Variants in RPH3A observed in about 807,000 individuals in gnomAD.
RPH3A encodes the protein rabphilin-3A.
RPH3A carries 48 observed loss-of-function variants against 102.2 expected under a neutral mutation model. That is an observed-to-expected ratio of 0.47 (90% CI 0.37 to 0.60). The LOEUF (loss-of-function observed/expected upper bound fraction) is 0.60. Among genes scored for constraint, RPH3A ranks in the 20% least tolerant of loss-of-function variants. The pLI, the probability that RPH3A is intolerant of heterozygous loss-of-function variation, is 0.00. For synonymous variants in RPH3A, 310 were observed against 324.3 expected (o/e 0.96, Z 0.47); for missense variants, 781 against 910.1 (o/e 0.86, Z 1.83).
At chr12:112,855,887 G>A (rs377053541) in intron 5 of RPH3A, among the ~76,000 whole-genome samples, 13 of 152,300 alleles carry the variant, frequency 8.5e-5, no homozygotes, top group African/African-American at 3.1e-4. Context: ...GTGTGTGTGT[G>A]TGAGAGACAG....
intron 1 of RPH3A, among the ~76,000 whole-genome samples, chr12:112,700,657 T>G (rs1474220280): frequency 6.6e-6 from 1 of 152,200 alleles, no homozygotes; most frequent in East Asian, 1.9e-4. Context: ...CAGACTTTAC[T>G]TTTGCATTTG....
At chr12:112,628,568 CAAAAAAAAAAAAAAAAAAA>C (rs771688201) in intron 1 of RPH3A, among the ~76,000 whole-genome samples, 59 of 27,040 alleles carry the variant, frequency 2.2e-3, no homozygotes, top group African/African-American at 6.8e-3. Context: ...GTCTTTACCA[CAAAAAAAAAAAAAAAAAAA>C]AAAAAAAAAA....
intron 13 of RPH3A, 81 bp from the exon 14 acceptor site, chr12:112,879,037 TG>T: frequency 8.1e-7 from 1 of 1,238,138 alleles, no homozygotes; most frequent in South Asian, 1.3e-5. Context: ...CAGCCCAGCC[TG>T]GGCATATAGT....
intron 1 of RPH3A, among the ~76,000 whole-genome samples, chr12:112,585,994 C>T (rs2033646547): frequency 6.6e-6 from 1 of 152,178 alleles, no homozygotes; most frequent in African/African-American, 2.4e-5. Context: ...TTAGCAGGTG[C>T]CTCAAGGTAA....
chr12:112,786,211 TA>T (rs1452916149), intron 1 of RPH3A, among the ~76,000 whole-genome samples: 1 of 152,090 alleles, frequency 6.6e-6, no homozygotes, highest in Non-Finnish European at 1.5e-5. Context: ...GATTAATAAA[TA>T]AAACTTGTTG....
rs2043217773 is a variant in RPH3A at position 112,898,211 on chromosome 12, A to AC, written c.*1431_*1432insC. 6.6e-6 allele frequency: 1 copy of AC among 152,176 alleles called. No homozygotes were observed. Among genetic ancestry groups the AC allele is most frequent in the Non-Finnish European group, 1.5e-5 (1 of 68,036 alleles). The allele number at this position is 152,176 out of a possible 1,614,324, so 9.4% of individuals were successfully genotyped here. A position where few individuals can be genotyped will look rare whatever the true frequency, so the allele number is the denominator to read the frequency against. ...ATCATCAATCTTTCACTTTCTTCCT[A>AC]TAAAAAAAATTATTTTATAAAGGAG... On this transcript the variant is annotated 3_prime_UTR_variant, in exon 22 of 22. Coordinates refer to ENST00000389385, the MANE Select transcript of RPH3A (RefSeq NM_001143854.2).
intron 1 of RPH3A, among the ~76,000 whole-genome samples, chr12:112,747,316 C>T (rs2040755628): frequency 6.6e-6 from 1 of 152,166 alleles, no homozygotes; most frequent in Non-Finnish European, 1.5e-5. Flanking sequence ...CTTGCCCTTC[C>T]ACCATGTGAG....
intron 1 of RPH3A, among the ~76,000 whole-genome samples, chr12:112,693,115 G>C (rs1014057312): frequency 6.6e-6 from 1 of 152,204 alleles, no homozygotes; most frequent in African/African-American, 2.4e-5. Flanking sequence ...TTTGACTCTT[G>C]CTCAGAGTTT....
In RPH3A at chr12:112,890,044, C is replaced by A. The variant is rs138056234; in HGVS notation, c.1584C>A (p.Thr528=). 1.2e-6 allele frequency: 2 copies of A among 1,613,600 alleles called. No individual in the cohort carries two copies. The highest frequency in any genetic ancestry group is 3.3e-5 in the Admixed American group (2 of 60,016). The part of the protein sequence containing the change: ...RVIPMKRAGT[T]GSARGMALYE... ...TTAAGATGAAACGTGCTGGGACCAC[C>A]GGGTCAGCCCGAGGCATGGCCCTTT... The change falls in exon 18 of 22, where the codon ACC becomes ACA. Residue 528 remains threonine, a synonymous_variant. Transcript: ENST00000389385.
At position 112,791,867 on chromosome 12, in the gene RPH3A, G is replaced by GCAGAGAGAGAGAGAGAGA. The variant is rs2041111551; in HGVS notation, c.-285_-284insCAGAGAGAGAGAGAGAGA. ...CGCGGACTGGAAAGGAAGGGAGAAG[G>GCAGAGAGAGAGAGAGAGA]GAGAGAGAGAGAGAGAGAGAGAGAG... On this transcript the variant is annotated 5_prime_UTR_variant, in exon 1 of 22. Transcript: ENST00000389385. 2 of 48,484 alleles carry GCAGAGAGAGAGAGAGAGA rather than the reference G, an allele frequency of 4.1e-5. 1 individual carries two copies. Among genetic ancestry groups the GCAGAGAGAGAGAGAGAGA allele is most frequent in the East Asian group, 1.1e-3 (2 of 1,756 alleles). The allele number at this position is 48,484 out of a possible 1,614,324, so 3.0% of individuals were successfully genotyped here. A position where few individuals can be genotyped will look rare whatever the true frequency, so the allele number is the denominator to read the frequency against.
intron 1 of RPH3A, among the ~76,000 whole-genome samples, chr12:112,682,873 T>C (rs1389848580): frequency 6.6e-6 from 1 of 152,228 alleles, no homozygotes; most frequent in Admixed American, 6.5e-5. Flanking sequence ...CTGTATCACC[T>C]GCTTGAAATG....
chr12:112,739,551 C>A (rs1044613743), intron 1 of RPH3A, among the ~76,000 whole-genome samples: 3 of 152,144 alleles, frequency 2.0e-5, no homozygotes, highest in Non-Finnish European at 4.4e-5. Flanking sequence ...ACAGGTGTCA[C>A]CTTGAAGAAA....
chr12:112,611,156 C>A (rs1374649769), intron 1 of RPH3A, among the ~76,000 whole-genome samples: 3 of 152,134 alleles, frequency 2.0e-5, no homozygotes, highest in South Asian at 4.1e-4. Context: ...TTCCAAGAAC[C>A]AGTTATAGGT....
intron 1 of RPH3A, among the ~76,000 whole-genome samples, chr12:112,589,531 C>G (rs1369835705): frequency 6.6e-6 from 1 of 152,158 alleles, no homozygotes; most frequent in African/African-American, 2.4e-5. Flanking sequence ...TTGCCTGGCT[C>G]TCCCATTTCC....
intron 1 of RPH3A, among the ~76,000 whole-genome samples, chr12:112,771,981 G>T (rs1027036383): frequency 6.6e-6 from 1 of 152,150 alleles, no homozygotes; most frequent in East Asian, 1.9e-4. Flanking sequence ...TTATTACATA[G>T]AAATAAATTT....
chr12:112,578,183 T>C (rs1250385141), intron 1 of RPH3A, among the ~76,000 whole-genome samples: 1 of 152,132 alleles, frequency 6.6e-6, no homozygotes, highest in Non-Finnish European at 1.5e-5. Flanking sequence ...GGGCCCAGCA[T>C]GAGACAGTTT....
intron 1 of RPH3A, among the ~76,000 whole-genome samples, chr12:112,683,819 A>T (rs2040243996): frequency 6.6e-6 from 1 of 152,194 alleles, no homozygotes; most frequent in Non-Finnish European, 1.5e-5. Context: ...GAGAGTGGGC[A>T]CTTAAGGAGA....
At chr12:112,763,790 G>C (rs1355940158) in intron 1 of RPH3A, among the ~76,000 whole-genome samples, 1 of 152,186 alleles carries the variant, frequency 6.6e-6, no homozygotes, top group Non-Finnish European at 1.5e-5. Context: ...GCCTGAACTA[G>C]TTTTTCAGGT....
chr12:112,695,417 G>T (rs2040342996), intron 1 of RPH3A, among the ~76,000 whole-genome samples: 1 of 152,200 alleles, frequency 6.6e-6, no homozygotes, highest in Admixed American at 6.5e-5. Context: ...TTTTTTAAAA[G>T]ATTGAGGGTA....
Sources: allele counts gnomAD v4.1 joint callset (sites outside exome capture counted in the v4.1 genomes callset), GRCh38; gene constraint gnomAD v4.1.1; transcripts MANE v1.5; gene names NCBI Gene and HGNC (gene_info 2026-07-23, HGNC 2026-07-21).